PIAS1: variants seen among roughly 807,000 people sequenced by gnomAD.
The protein encoded by PIAS1 is protein inhibitor of activated STAT 1, also known as E3 SUMO-protein ligase PIAS1.
In PIAS1, 6 loss-of-function variants were observed where a neutral mutation model predicts 71.3. That is an observed-to-expected ratio of 0.08 (90% CI 0.05 to 0.17). The LOEUF (loss-of-function observed/expected upper bound fraction) is 0.17. Among genes scored for constraint, PIAS1 ranks in the 10% least tolerant of loss-of-function variants. The pLI, the probability that PIAS1 is intolerant of heterozygous loss-of-function variation, is 1.00. For missense variants in PIAS1, 555 were observed against 793.6 expected, an observed-to-expected ratio of 0.70 and a Z score of 3.61; for synonymous variants, 303 against 292.9, an observed-to-expected ratio of 1.03 and a Z score of -0.35.
chr15:68,077,635 G>A (rs1304071399), intron 1 of PIAS1, among the ~76,000 whole-genome samples: 2 of 152,184 alleles, frequency 1.3e-5, no homozygotes, highest in Non-Finnish European at 2.9e-5. Context: ...ATTAGATGGA[G>A]TTTTAGACAA....
rs1472729138 is a variant in PIAS1, at chr15:68,054,445, G to A, written c.24+95G>A. On this transcript the variant is annotated intron_variant, in intron 1 of 13. Coordinates refer to ENST00000249636, the MANE Select transcript of PIAS1 (RefSeq NM_016166.3). This position sits in a 1 kb window ranked among gnomAD's most constrained non-coding sequence, Gnocchi z 4.6. ...GGGTCCGACCCTGGGGGGCCTCTCGGGCCTGACTCCACCCGGGCCTGGAGT... is the reference window on the plus strand; with the variant it reads ...GGGTCCGACCCTGGGGGGCCTCTCGAGCCTGACTCCACCCGGGCCTGGAGT... 1.5e-6 allele frequency: 2 copies of A among 1,322,670 alleles called. No homozygotes were observed. Among genetic ancestry groups the A allele is most frequent in the African/African-American group, 3.0e-5 (2 of 67,484 alleles). 81.9% of individuals were successfully genotyped at this position (1,322,670 alleles called of 1,614,324 possible). A position where few individuals can be genotyped will look rare whatever the true frequency, so the allele number is the denominator to read the frequency against.
At chr15:68,057,229 C>T (rs2091905906) in intron 1 of PIAS1, among the ~76,000 whole-genome samples, 1 of 152,100 alleles carries the variant, frequency 6.6e-6, no homozygotes, top group Non-Finnish European at 1.5e-5. Context: ...AAAATGAATT[C>T]TCTATGCACA....
intron 6 of PIAS1, among the ~76,000 whole-genome samples, chr15:68,151,680 CAAA>C (rs2092845620): frequency 7.4e-5 from 1 of 13,560 alleles, no homozygotes. Flanking sequence ...AACAAAAAAA[CAAA>C]ACACACACAC....
intron 6 of PIAS1, among the ~76,000 whole-genome samples, chr15:68,147,355 T>G (rs2092815288): frequency 6.6e-6 from 1 of 152,190 alleles, no homozygotes; most frequent in South Asian, 2.1e-4. Context: ...TTACTGAGAT[T>G]GAATATGTTT....
At position 68,187,968 on chromosome 15, in the gene PIAS1, G is replaced by GA; in HGVS notation, c.*139dup. ...GCGTGTTTTTTTTCCTTTTTTTAGG[G>GA]AAAAAATTAAAAGAAATGTACAGAG... On this transcript the variant is annotated 3_prime_UTR_variant, in exon 14 of 14. Coordinates refer to ENST00000249636, the MANE Select transcript of PIAS1 (RefSeq NM_016166.3). This position sits in a 1 kb window ranked among gnomAD's most constrained non-coding sequence, Gnocchi z 5.3. 5.3e-6 allele frequency: 4 copies of GA among 761,730 alleles called. No homozygotes were observed. Among genetic ancestry groups the GA allele is most frequent in the East Asian group, 2.7e-5 (1 of 36,740 alleles). 47.2% of individuals were successfully genotyped at this position (761,730 alleles called of 1,614,324 possible).
intron 2 of PIAS1, chr15:68,087,730 G>A (rs2092296063): frequency 3.7e-6 from 1 of 271,980 alleles, no homozygotes; most frequent in African/African-American, 2.2e-5. Flanking sequence ...TTTCAGTTTG[G>A]GGGACTGGCA....
chr15:68,154,035 G>T (rs1470881685), intron 7 of PIAS1: 1 of 192,820 alleles, frequency 5.2e-6, no homozygotes. Context: ...AAAATGTACA[G>T]AATTATATCA....
chr15:68,098,253 A>G (rs1415841285), intron 2 of PIAS1, among the ~76,000 whole-genome samples: 1 of 152,234 alleles, frequency 6.6e-6, no homozygotes, highest in East Asian at 1.9e-4. Context: ...TATTTTGTAT[A>G]TGTATGTATT....
Position 68,191,551 on chromosome 15 carries a change from C to G in PIAS1, c.*3716C>G, listed in dbSNP as rs903191659. The G allele has an allele frequency of 7.9e-5, 12 of 152,656 alleles. No individual in the cohort carries two copies. Among genetic ancestry groups the G allele is most frequent in the African/African-American group, 2.4e-4 (10 of 41,464 alleles). The allele number at this position is 152,656 out of a possible 1,614,324, so 9.5% of individuals were successfully genotyped here. On this transcript the variant is annotated 3_prime_UTR_variant, in exon 14 of 14. Coordinates refer to ENST00000249636, the MANE Select transcript of PIAS1 (RefSeq NM_016166.3). ...ATAATGGTTTGTGCTTCCAAAGCACCTTTCATCCAGAGATTTCAAAGCATG... is the reference window on the plus strand; with the variant it reads ...ATAATGGTTTGTGCTTCCAAAGCACGTTTCATCCAGAGATTTCAAAGCATG...
Position 68,173,239 on chromosome 15 carries a change from C to T in PIAS1, c.1009-493C>T, listed in dbSNP as rs2093002638. ...GCACAGTGGTGTGCGCCTGTATCCCCAGCTACTCTGGAGGCTGAGGCAGGA... is the reference window on the plus strand; with the variant it reads ...GCACAGTGGTGTGCGCCTGTATCCCTAGCTACTCTGGAGGCTGAGGCAGGA... On this transcript the variant is annotated intron_variant, in intron 8 of 13. Transcript: ENST00000249636. This position sits in a 1 kb window ranked among gnomAD's most constrained non-coding sequence, Gnocchi z 4.3. Among the ~76,000 whole-genome samples, 1 of 152,094 alleles carries T rather than the reference C, an allele frequency of 6.6e-6. No individual in the cohort carries two copies. The highest frequency in any genetic ancestry group is 1.5e-5 in the Non-Finnish European group (1 of 68,012).
chr15:68,112,127 G>C (rs148491498), intron 2 of PIAS1, among the ~76,000 whole-genome samples: 1 of 151,988 alleles, frequency 6.6e-6, no homozygotes, highest in African/African-American at 2.4e-5. Context: ...ATCTCTGTCC[G>C]TTTACCGTAT....
At chr15:68,131,733 A>G (rs951727469) in intron 2 of PIAS1, among the ~76,000 whole-genome samples, 1 of 152,180 alleles carries the variant, frequency 6.6e-6, no homozygotes, top group African/African-American at 2.4e-5. Flanking sequence ...ATTTAGGACC[A>G]CATTTTCTTT....
At chr15:68,182,490 C>CGTGTGTGTGTGT (rs67774530) in intron 12 of PIAS1, among the ~76,000 whole-genome samples, 13,343 of 123,250 alleles carry the variant, frequency 0.11, 2,352 homozygotes, top group African/African-American at 0.18. Flanking sequence ...GCTCAGGCTG[C>CGTGTGTGTGTGT]GTGTGTGTGT....
At chr15:68,181,417 C>G in intron 12 of PIAS1, 63 bp downstream of exon 12, 2 of 1,504,964 alleles carry the variant, frequency 1.3e-6, no homozygotes, top group Admixed American at 1.7e-5. Context: ...CTATATAATT[C>G]TCTTCTAGGT....
intron 6 of PIAS1, among the ~76,000 whole-genome samples, chr15:68,151,051 A>G (rs1021370180): frequency 6.6e-6 from 1 of 151,398 alleles, no homozygotes; most frequent in Non-Finnish European, 1.5e-5. Flanking sequence ...AAACAAAACT[A>G]TCAGTATAAT....
intron 2 of PIAS1, among the ~76,000 whole-genome samples, chr15:68,112,705 G>A (rs1426040974): frequency 6.6e-6 from 1 of 152,188 alleles, no homozygotes; most frequent in Non-Finnish European, 1.5e-5. Context: ...TCACTGTCCA[G>A]TGTCGGCAAG....
intron 2 of PIAS1, among the ~76,000 whole-genome samples, chr15:68,093,012 C>T (rs118185760): frequency 2.3e-3 from 356 of 152,260 alleles, no homozygotes; most frequent in South Asian, 4.1e-3. Context: ...ATTTGCCAAT[C>T]TTTTGATGTT....
rs1248107686 is a variant in PIAS1 at position 68,187,563 on chromosome 15, G to A, written c.1684G>A (p.Ala562Thr). Residue 562 changes from alanine to threonine, a missense_variant, in exon 14 of 14, where the codon GCC (alanine) becomes ACC (threonine). By Grantham distance (58) the Ala-to-Thr change is moderately conservative. Around this residue, in one of 5 missense-constraint regions of PIAS1, gnomAD observed 244 missense variants for 307.5 expected, o/e 0.79. Transcript: ENST00000249636. The surrounding 1 kb of genome is among the most constrained non-coding windows in gnomAD (Gnocchi z 5.3). ...DNQHYNTSLL[A>T]AAAAAVSDDQ... ...CTAGCATTACAACACCTCCTTGCTT[G>A]CCGCTGCAGCAGCAGCAGTTTCAGA... The A allele has an allele frequency of 3.1e-6, 5 of 1,613,632 alleles. No individual in the cohort carries two copies. Among genetic ancestry groups the A allele is most frequent in the Non-Finnish European group, 4.2e-6 (5 of 1,179,732 alleles).
At chr15:68,110,966 T>C (rs2092518844) in intron 2 of PIAS1, among the ~76,000 whole-genome samples, 1 of 152,188 alleles carries the variant, frequency 6.6e-6, no homozygotes, top group Admixed American at 6.6e-5. Context: ...CAGACAGTTA[T>C]GATATGTACT....
Sources: allele counts gnomAD v4.1 joint callset (sites outside exome capture counted in the v4.1 genomes callset), GRCh38; gene constraint gnomAD v4.1.1; regional missense constraint gnomAD v4.1.1; non-coding constraint Gnocchi (gnomAD v3.1); transcripts MANE v1.5; gene names NCBI Gene and HGNC (gene_info 2026-07-23, HGNC 2026-07-21).